Variants in CCSER1 observed in about 807,000 individuals in gnomAD.
The protein encoded by CCSER1 is coiled-coil serine rich protein 1, also known as serine-rich coiled-coil domain-containing protein 1.
A neutral mutation model predicts 82.0 loss-of-function variants in CCSER1; 41 were observed. That is an observed-to-expected ratio of 0.50 (90% CI 0.39 to 0.65). The LOEUF (loss-of-function observed/expected upper bound fraction) is 0.65. CCSER1 is among the 30% of genes least tolerant of loss of function. CCSER1 has a pLI of 0.00. For missense variants in CCSER1, 1,119 were observed against 1,064.2 expected (o/e 1.05, Z -0.72); for synonymous variants, 414 against 383.9 (o/e 1.08, Z -0.92).
intron 5 of CCSER1, among the ~76,000 whole-genome samples, chr4:90,542,042 T>C (rs1776175150): frequency 6.6e-6 from 1 of 152,054 alleles, no homozygotes; most frequent in Non-Finnish European, 1.5e-5. Flanking sequence ...TAAATTATTA[T>C]ATAATTTGCT....
intron 5 of CCSER1, among the ~76,000 whole-genome samples, chr4:90,516,693 C>G (rs1034331323): frequency 1.3e-5 from 2 of 152,202 alleles, no homozygotes; most frequent in African/African-American, 4.8e-5. Context: ...TCAGTTCAGT[C>G]TCCCGGGACG....
At chr4:90,397,243 G>A (rs943524133) in intron 3 of CCSER1, among the ~76,000 whole-genome samples, 1 of 152,134 alleles carries the variant, frequency 6.6e-6, no homozygotes, top group Non-Finnish European at 1.5e-5. Flanking sequence ...AGTGTCAAGT[G>A]TTACCTGCAA....
chr4:90,367,220 C>T (rs1242795232), intron 3 of CCSER1, among the ~76,000 whole-genome samples: 1 of 137,918 alleles, frequency 7.3e-6, no homozygotes, highest in Admixed American at 7.0e-5. Flanking sequence ...GACAAATATT[C>T]TGTTCTGGAA....
intron 10 of CCSER1, among the ~76,000 whole-genome samples, chr4:91,400,117 G>A (rs1315533157): frequency 2.0e-5 from 3 of 151,938 alleles, no homozygotes. Flanking sequence ...AGACGCAAAT[G>A]TGCAGTTGCT....
intron 3 of CCSER1, among the ~76,000 whole-genome samples, chr4:90,386,155 C>T (rs1750013750): frequency 6.6e-6 from 1 of 152,114 alleles, no homozygotes; most frequent in South Asian, 2.1e-4. Flanking sequence ...TTAGAAAAAA[C>T]AATCCTAAAA....
chr4:91,387,914 G>A (rs1282679490), intron 10 of CCSER1, among the ~76,000 whole-genome samples: 1 of 151,888 alleles, frequency 6.6e-6, no homozygotes, highest in East Asian at 1.9e-4. Context: ...TAGGACTTTA[G>A]ACTATTATTC....
intron 10 of CCSER1, among the ~76,000 whole-genome samples, chr4:91,441,727 G>A (rs1427425429): frequency 5.3e-5 from 8 of 152,234 alleles, no homozygotes; most frequent in South Asian, 2.1e-4. Context: ...AAACCCCATT[G>A]TCTCAGCCCA....
At chr4:91,277,380 G>A (rs1296977952) in intron 10 of CCSER1, among the ~76,000 whole-genome samples, 1 of 151,864 alleles carries the variant, frequency 6.6e-6, no homozygotes, top group Non-Finnish European at 1.5e-5. Flanking sequence ...GATCTGTTCA[G>A]ATTTTCTATT....
At chr4:90,303,166 G>A (rs1362396469) in intron 1 of CCSER1, among the ~76,000 whole-genome samples, 1 of 152,124 alleles carries the variant, frequency 6.6e-6, no homozygotes, top group East Asian at 1.9e-4. Flanking sequence ...AAAGAAACTA[G>A]GACAAACATA....
chr4:91,518,227 T>C (rs1170445793), intron 10 of CCSER1, among the ~76,000 whole-genome samples: 3 of 152,158 alleles, frequency 2.0e-5, no homozygotes, highest in African/African-American at 7.2e-5. Flanking sequence ...AGATTTTCAC[T>C]TGTCTCTTGG....
chr4:91,394,481 A>G (rs773763353), intron 10 of CCSER1, among the ~76,000 whole-genome samples: 3 of 152,104 alleles, frequency 2.0e-5, no homozygotes, highest in Non-Finnish European at 4.4e-5. Flanking sequence ...CCAATATCAT[A>G]GACTATTAAT....
chr4:90,375,562 T>C (rs900384611), intron 3 of CCSER1, among the ~76,000 whole-genome samples: 11 of 152,166 alleles, frequency 7.2e-5, no homozygotes, highest in African/African-American at 2.7e-4. Context: ...TGTGGCTCTC[T>C]TAAACTACTG....
At chr4:91,432,112 C>T (rs902342169) in intron 10 of CCSER1, among the ~76,000 whole-genome samples, 1 of 152,070 alleles carries the variant, frequency 6.6e-6, no homozygotes, top group Admixed American at 6.5e-5. Flanking sequence ...GTAGCAGTTC[C>T]CCATCCACCC....
intron 10 of CCSER1, among the ~76,000 whole-genome samples, chr4:91,424,545 A>G (rs1044758098): frequency 6.6e-6 from 1 of 152,230 alleles, no homozygotes; most frequent in African/African-American, 2.4e-5. Flanking sequence ...AGCTATATGC[A>G]CTTGGATAGT....
chr4:91,400,063 C>A (rs1752223941), intron 10 of CCSER1, among the ~76,000 whole-genome samples: 1 of 151,912 alleles, frequency 6.6e-6, no homozygotes, highest in African/African-American at 2.4e-5. Context: ...TAAGCCACTC[C>A]CTCTCTCTTA....
chr4:91,161,166 T>C (rs192432501), intron 10 of CCSER1, among the ~76,000 whole-genome samples: 1 of 152,322 alleles, frequency 6.6e-6, no homozygotes, highest in East Asian at 1.9e-4. Flanking sequence ...GGGAATCCTT[T>C]CCCCACTTCT....
intron 1 of CCSER1, among the ~76,000 whole-genome samples, chr4:90,129,871 C>T (rs920637996): frequency 2.0e-5 from 3 of 152,108 alleles, no homozygotes; most frequent in Non-Finnish European, 4.4e-5. Flanking sequence ...GAACCCCATT[C>T]GGAGGGTTAT....
chr4:90,736,337 A>C (rs966578505), intron 7 of CCSER1, among the ~76,000 whole-genome samples: 1 of 151,996 alleles, frequency 6.6e-6, no homozygotes, highest in African/African-American at 2.4e-5. Flanking sequence ...TATTGGAGTC[A>C]ATCTCTCTCT....
chr4:91,042,420 C>T (rs1474967659), intron 9 of CCSER1, among the ~76,000 whole-genome samples: 4 of 152,086 alleles, frequency 2.6e-5, no homozygotes, highest in Non-Finnish European at 4.4e-5. Context: ...TGCCCAGTCT[C>T]GGGCGGTTCT....
Sources: allele counts gnomAD v4.1 joint callset (sites outside exome capture counted in the v4.1 genomes callset), GRCh38; gene constraint gnomAD v4.1.1; transcripts MANE v1.5; gene names NCBI Gene and HGNC (gene_info 2026-07-23, HGNC 2026-07-21).